KCNN2: variants seen among roughly 807,000 people sequenced by gnomAD.
KCNN2 encodes the protein small conductance calcium-activated potassium channel protein 2.
Under a neutral mutation model 55.5 loss-of-function variants are expected in KCNN2, and 24 were observed. The observed-to-expected ratio is 0.43, with a 90% CI of 0.31 to 0.61. The LOEUF (loss-of-function observed/expected upper bound fraction) is 0.61, where lower values mean the gene tolerates loss of function less well. KCNN2 is among the 20% of genes least tolerant of loss of function. The probability of loss-of-function intolerance (pLI) is 0.08; values close to 1 mark genes in which losing one functional copy is unlikely to be tolerated. For synonymous variants in KCNN2, 431 were observed against 336.1 expected (o/e 1.28, Z -3.09); for missense variants, 754 against 853.6 (o/e 0.88, Z 1.45).
chr5:114,404,791 T>A lies in KCNN2; in HGVS notation c.1572T>A (p.Thr524=). The A allele has an allele frequency of 6.2e-7, 1 of 1,614,000 alleles. No homozygotes were observed. The highest frequency in any genetic ancestry group is 8.5e-7 in the Non-Finnish European group (1 of 1,179,880). Residue 524 remains threonine, a synonymous_variant, in exon 3 of 8, where the codon ACT becomes ACA. Coordinates refer to ENST00000673685, the MANE Select transcript of KCNN2 (RefSeq NM_021614.4). ...MKTLMTICPG[T]VLLVFSISLW... ...CTTTAATGACTATATGCCCAGGAAC[T>A]GTACTCTTGGTTTTTAGTATCTCAT...
chr5:114,407,321 A>G (rs993408857), intron 3 of KCNN2, among the ~76,000 whole-genome samples: 1 of 151,998 alleles, frequency 6.6e-6, no homozygotes, highest in South Asian at 2.1e-4. Flanking sequence ...TTTGCTCTAT[A>G]TATGGAAGAT....
At chr5:114,409,180 A>C (rs1412820998) in intron 3 of KCNN2, among the ~76,000 whole-genome samples, 1 of 152,208 alleles carries the variant, frequency 6.6e-6, no homozygotes, top group Admixed American at 6.5e-5. Flanking sequence ...ACTTCTTCCC[A>C]ACGTAACGTT....
chr5:114,139,960 ATACT>A (rs1360057846), intron 1 of KCNN2, among the ~76,000 whole-genome samples: 4 of 152,050 alleles, frequency 2.6e-5, no homozygotes, highest in African/African-American at 9.7e-5. Flanking sequence ...ACAGAAATAC[ATACT>A]TCCTTTCTAT....
chr5:114,397,617 C>T (rs1758659008), intron 2 of KCNN2, among the ~76,000 whole-genome samples: 1 of 152,124 alleles, frequency 6.6e-6, no homozygotes, highest in African/African-American at 2.4e-5. Context: ...GAACTCTTGA[C>T]CTCAAGTGAT....
chr5:114,162,406 G>A lies in KCNN2; in HGVS notation c.-270-59074G>A, dbSNP rs549242962. Among the ~76,000 whole-genome samples, 10 of 152,248 alleles carry A rather than the reference G, an allele frequency of 6.6e-5. No homozygotes were observed. The South Asian group carries it at 1.9e-3, about 28-fold the overall frequency. ...ACCCGGCCGTTTGAGGTGTCAGTCC[G>A]CCCCTACTGGGGGGTGCCTCCCAGT... On this transcript the variant is annotated intron_variant, in intron 1 of 10. Coordinates refer to the KCNN2 transcript ENST00000512097.
chr5:114,236,128 AGGTTTT>A (rs1205569045), intron 2 of KCNN2, among the ~76,000 whole-genome samples: 1 of 152,104 alleles, frequency 6.6e-6, no homozygotes, highest in Non-Finnish European at 1.5e-5. Flanking sequence ...TCTCCTCTTT[AGGTTTT>A]GGTAGTCCAT....
intron 2 of KCNN2, among the ~76,000 whole-genome samples, chr5:114,383,464 CTTTTT>C (rs66787954): frequency 9.7e-6 from 1 of 102,694 alleles, no homozygotes; most frequent in African/African-American, 4.6e-5. Flanking sequence ...CCACTAAATG[CTTTTT>C]TTTTTTTTTT....
In KCNN2 at chr5:114,430,343, A is replaced by G. The variant is rs905540266; in HGVS notation, c.1637+25487A>G. ...ATAGAACTTGTACATACTTTGTTAG[A>G]TGTACAACTATTATTCATTTATTTG... On this transcript the variant is annotated intron_variant, in intron 3 of 7. Transcript: ENST00000673685. Among the ~76,000 whole-genome samples, 3 of 152,198 alleles carry G rather than the reference A, an allele frequency of 2.0e-5. 1 individual carries two copies. The South Asian group carries it at 6.2e-4, about 32-fold the overall frequency.
rs185704381 is a variant in KCNN2, at chr5:114,243,101, A to G, written c.-185+21536A>G. ...ATATAATATGTCTTCATACAAAATT[A>G]TTGTTACATAGTATATTTTATACTG... On this transcript the variant is annotated intron_variant, in intron 2 of 10. Coordinates refer to the KCNN2 transcript ENST00000512097. Among the ~76,000 whole-genome samples the G allele has an allele frequency of 5.3e-3, 804 of 152,308 alleles. 6 individuals are homozygous for G. The highest frequency in any genetic ancestry group is 6.5e-3 in the Non-Finnish European group (440 of 68,026).
At chr5:114,308,292 G>T (rs1013512733) in intron 2 of KCNN2, among the ~76,000 whole-genome samples, 7 of 152,100 alleles carry the variant, frequency 4.6e-5, no homozygotes, top group Admixed American at 3.9e-4. Context: ...GATACCTGCT[G>T]TTTTATCCTT....
At chr5:114,430,259 ATAGAG>A (rs1275046089) in intron 3 of KCNN2, among the ~76,000 whole-genome samples, 9 of 152,188 alleles carry the variant, frequency 5.9e-5, no homozygotes, top group African/African-American at 1.9e-4. Context: ...GTCTATGAAC[ATAGAG>A]TATTTATTTA....
intron 4 of KCNN2, among the ~76,000 whole-genome samples, chr5:114,472,522 T>C (rs899898246): frequency 3.0e-4 from 44 of 147,838 alleles, no homozygotes; most frequent in African/African-American, 1.1e-3. Flanking sequence ...GATCTTCCTG[T>C]TACGCTTCCT....
chr5:114,446,972 C>T (rs1253535578), intron 3 of KCNN2, among the ~76,000 whole-genome samples: 1 of 152,190 alleles, frequency 6.6e-6, no homozygotes. Context: ...CCTCATTTGA[C>T]ACTATTCATC....
At chr5:114,281,953 G>T (rs1302435586) in intron 2 of KCNN2, among the ~76,000 whole-genome samples, 1 of 151,640 alleles carries the variant, frequency 6.6e-6, no homozygotes, top group Non-Finnish European at 1.5e-5. Context: ...CATTACTTTG[G>T]ATTATCTAGT....
rs1457096334 is a variant in KCNN2 at position 114,363,060 on chromosome 5, C to CGGT, written c.924_926dup (p.Gly310dup). The stretch of plus-strand genomic sequence containing the variant: ...GAGGCAGCACTGGAGGAGGCGGCGG[C>CGGT]GGTGGCGGGAGCGGGCACGGCAGCA... On this transcript the variant is annotated inframe_insertion, in exon 1 of 8. Transcript: ENST00000673685. The CGGT allele has an allele frequency of 6.8e-6, 11 of 1,608,178 alleles. No individual in the cohort carries two copies. The Admixed American group carries it at 1.5e-4, about 22-fold the overall frequency.
At chr5:114,108,169 G>T (rs757113773) in intron 1 of KCNN2, among the ~76,000 whole-genome samples, 14 of 151,952 alleles carry the variant, frequency 9.2e-5, no homozygotes, top group African/African-American at 1.4e-4. Context: ...CTTATTTCAT[G>T]TGTAATGACA....
chr5:114,117,465 A>C (rs1012903972), intron 1 of KCNN2, among the ~76,000 whole-genome samples: 1 of 152,190 alleles, frequency 6.6e-6, no homozygotes, highest in African/African-American at 2.4e-5. Flanking sequence ...AGTCAGCACC[A>C]GTGCCTTGGG....
chr5:114,432,777 C>T (rs1396561624), intron 3 of KCNN2, among the ~76,000 whole-genome samples: 1 of 152,208 alleles, frequency 6.6e-6, no homozygotes, highest in African/African-American at 2.4e-5. Context: ...GCACGCCGAG[C>T]AGCCGGCCAG....
chr5:114,122,659 T>G (rs1288622920), intron 1 of KCNN2, among the ~76,000 whole-genome samples: 1 of 152,186 alleles, frequency 6.6e-6, no homozygotes, highest in African/African-American at 2.4e-5. Flanking sequence ...GGATAATTTG[T>G]TTTGAGCTTG....
Sources: allele counts gnomAD v4.1 joint callset (sites outside exome capture counted in the v4.1 genomes callset), GRCh38; gene constraint gnomAD v4.1.1; transcripts MANE v1.5; gene names NCBI Gene and HGNC (gene_info 2026-07-23, HGNC 2026-07-21).